Variants in TBC1D15 observed in about 807,000 individuals in gnomAD.
The protein encoded by TBC1D15 is GAP for RAB7.
In TBC1D15, 39 loss-of-function variants were observed where a neutral mutation model predicts 95.4. The ratio of observed to expected loss-of-function variants is 0.41; its 90% CI spans 0.32 to 0.53. TBC1D15 has a LOEUF of 0.53. Ranked by LOEUF, TBC1D15 falls within the 20% of genes least tolerant of loss-of-function variation. The pLI is 0.29. For missense variants in TBC1D15, 733 were observed against 794.3 expected, an observed-to-expected ratio of 0.92 and a Z score of 0.93; for synonymous variants, 258 against 261.3, an observed-to-expected ratio of 0.99 and a Z score of 0.12.
chr12:71,844,705 C>T (rs1175131603), intron 1 of TBC1D15, among the ~76,000 whole-genome samples: 1 of 152,190 alleles, frequency 6.6e-6, no homozygotes, highest in Admixed American at 6.5e-5. Context: ...CACCTAGTAG[C>T]TTGCTCTGTA....
chr12:71,912,479 T>G (rs971450508), intron 11 of TBC1D15, among the ~76,000 whole-genome samples: 2 of 152,090 alleles, frequency 1.3e-5, no homozygotes, highest in African/African-American at 4.8e-5. Flanking sequence ...CACAGCAAAT[T>G]GAGCTGAAAC....
At chr12:71,849,347 C>A (rs1230711855) in intron 1 of TBC1D15, 19 of 1,342,160 alleles carry the variant, frequency 1.4e-5, no homozygotes, top group Non-Finnish European at 1.9e-5. Context: ...GGCAATGGAG[C>A]TTCTAGCTGT....
chr12:71,873,091 A>G (rs1893037295), intron 3 of TBC1D15, 88 bp downstream of exon 3: 2 of 879,072 alleles, frequency 2.3e-6, no homozygotes, highest in African/African-American at 3.4e-5. Context: ...CATAAAATGC[A>G]TCCTTTTAAA....
At chr12:71,891,546 T>C (rs1467341104) in intron 5 of TBC1D15, among the ~76,000 whole-genome samples, 1 of 152,158 alleles carries the variant, frequency 6.6e-6, no homozygotes, top group Non-Finnish European at 1.5e-5. Context: ...TATGGTGAGC[T>C]CTGCAATTAC....
chr12:71,922,854 A>G (rs1259752988), intron 16 of TBC1D15, 129 bp from the exon 17 acceptor site: 11 of 868,484 alleles, frequency 1.3e-5, no homozygotes, highest in African/African-American at 5.1e-5. Context: ...AGAAGGGTAC[A>G]TGACATTTAC....
At chr12:71,896,808 CAAAG>C (rs1362893445) in intron 9 of TBC1D15, 28 bp downstream of exon 9, 1 of 1,564,020 alleles carries the variant, frequency 6.4e-7, no homozygotes, top group Non-Finnish European at 8.8e-7. Context: ...GTACATTTAT[CAAAG>C]AGATTCAAGT....
intron 5 of TBC1D15, among the ~76,000 whole-genome samples, chr12:71,886,221 T>C (rs551721657): frequency 9.8e-5 from 15 of 152,302 alleles, no homozygotes; most frequent in African/African-American, 3.6e-4. Context: ...CTTCCTTCCA[T>C]GCAGTGGTGC....
intron 12 of TBC1D15, among the ~76,000 whole-genome samples, chr12:71,915,194 G>A (rs1486461544): frequency 1.3e-5 from 2 of 151,768 alleles, no homozygotes; most frequent in African/African-American, 4.8e-5. Context: ...GAAACCTGAG[G>A]CATTTGTTAT....
chr12:71,891,100 G>T (rs182796243), intron 5 of TBC1D15, among the ~76,000 whole-genome samples: 308 of 152,206 alleles, frequency 2.0e-3, no homozygotes, highest in Non-Finnish European at 3.6e-3. Flanking sequence ...TTTATTCCCA[G>T]TTTTGATTGA....
At chr12:71,899,790 A>G (rs1391600682) in intron 10 of TBC1D15, among the ~76,000 whole-genome samples, 1 of 152,066 alleles carries the variant, frequency 6.6e-6, no homozygotes, top group Admixed American at 6.5e-5. Flanking sequence ...ATGGTAGTAG[A>G]GGAGGTAAAA....
chr12:71,861,306 T>C, intron 1 of TBC1D15: 1 of 485,402 alleles, frequency 2.1e-6, no homozygotes, highest in East Asian at 3.5e-5. Flanking sequence ...AAATGTTTGG[T>C]AGAATTCCAC....
chr12:71,896,027 A>G lies in TBC1D15; in HGVS notation c.936A>G (p.Glu312=), dbSNP rs759425888. ...LEEWTKNIDS[E]GRILNVDNMK... is the part of the protein sequence containing the mutation. Reference sequence around the variant, plus strand: ...AATGGACTAAGAACATTGATTCTGAAGGAAGAATTTTAAATGTAGATAATA... The same window carrying G: ...AATGGACTAAGAACATTGATTCTGAGGGAAGAATTTTAAATGTAGATAATA... Residue 312 remains glutamate, a synonymous_variant, in exon 8 of 17, where the codon GAA becomes GAG. Transcript: ENST00000485960. The G allele has an allele frequency of 6.2e-7, 1 of 1,612,476 alleles. No homozygotes were observed. Among genetic ancestry groups the G allele is most frequent in the Non-Finnish European group, 8.5e-7 (1 of 1,178,814 alleles).
At chr12:71,900,000 T>C (rs1476175883) in intron 10 of TBC1D15, among the ~76,000 whole-genome samples, 2 of 152,074 alleles carry the variant, frequency 1.3e-5, no homozygotes, top group Non-Finnish European at 2.9e-5. Flanking sequence ...ATTCAAGTTA[T>C]ATTTTGGTGA....
chr12:71,871,755 A>G (rs752188158), intron 1 of TBC1D15, among the ~76,000 whole-genome samples: 1 of 152,168 alleles, frequency 6.6e-6, no homozygotes, highest in Non-Finnish European at 1.5e-5. Flanking sequence ...CAAAAAATAT[A>G]AATTTTAGGT....
chr12:71,847,217 C>T (rs1886512337), intron 1 of TBC1D15, among the ~76,000 whole-genome samples: 1 of 152,112 alleles, frequency 6.6e-6, no homozygotes, highest in South Asian at 2.1e-4. Context: ...TACCATCACT[C>T]CATGTGTCCT....
At chr12:71,889,006 G>A (rs1293940338) in intron 5 of TBC1D15, among the ~76,000 whole-genome samples, 2 of 152,110 alleles carry the variant, frequency 1.3e-5, no homozygotes, top group African/African-American at 4.8e-5. Flanking sequence ...AAGACATATG[G>A]CAATATAAAA....
intron 16 of TBC1D15, among the ~76,000 whole-genome samples, chr12:71,922,247 G>T (rs1376600452): frequency 6.6e-6 from 1 of 152,136 alleles, no homozygotes; most frequent in Non-Finnish European, 1.5e-5. Flanking sequence ...ACCATGCCTG[G>T]CTAATTTTTG....
At chr12:71,877,823 A>G (rs924697970) in intron 3 of TBC1D15, among the ~76,000 whole-genome samples, 6 of 152,102 alleles carry the variant, frequency 3.9e-5, no homozygotes, top group African/African-American at 1.4e-4. Context: ...ATTTCCCTCT[A>G]GTGACCTTTT....
chr12:71,860,377 A>G (rs901045356), intron 1 of TBC1D15, among the ~76,000 whole-genome samples: 8 of 152,194 alleles, frequency 5.3e-5, no homozygotes, highest in South Asian at 2.1e-4. Flanking sequence ...AATTCTTCCA[A>G]TCTATGAACA....
Sources: gnomAD v4.1 joint callset for allele counts (sites outside exome capture counted in the v4.1 genomes callset) on GRCh38, gnomAD v4.1.1 for gene constraint, MANE v1.5 for transcripts, NCBI Gene and HGNC (gene_info 2026-07-23, HGNC 2026-07-21) for gene names.